Variants in RERE observed in about 807,000 individuals in gnomAD.
RERE encodes the protein arginine-glutamic acid dipeptide repeats protein.
In RERE, 40 loss-of-function variants were observed where a neutral mutation model predicts 146.1. That is an observed-to-expected ratio of 0.27 (90% CI 0.21 to 0.36). The LOEUF (loss-of-function observed/expected upper bound fraction) is 0.36, where lower values mean the gene tolerates loss of function less well. Among genes scored for constraint, RERE ranks in the 10% least tolerant of loss-of-function variants. The pLI, the probability that RERE is intolerant of heterozygous loss-of-function variation, is 1.00. For missense variants in RERE, 1,933 were observed against 2,138.7 expected (o/e 0.90, Z 1.90); for synonymous variants, 1,003 against 866.0 (o/e 1.16, Z -2.78).
intron 12 of RERE, among the ~76,000 whole-genome samples, chr1:8,389,289 C>A (rs1310088297): frequency 1.3e-5 from 2 of 152,178 alleles, no homozygotes; most frequent in African/African-American, 4.8e-5. Context: ...TCATGTCAAC[C>A]CACTCTCATG....
intron 8 of RERE, among the ~76,000 whole-genome samples, chr1:8,503,571 A>G (rs1386779500): frequency 2.0e-5 from 3 of 152,228 alleles, no homozygotes; most frequent in Non-Finnish European, 4.4e-5. Context: ...AAGGAGCTCT[A>G]TATACTGCTA....
chr1:8,757,848 G>C (rs745386613), intron 1 of RERE, among the ~76,000 whole-genome samples: 11 of 151,818 alleles, frequency 7.2e-5, no homozygotes, highest in African/African-American at 2.7e-4. Flanking sequence ...ATCAACCTAA[G>C]TGTCCATCAA....
At position 8,733,255 on chromosome 1, in the gene RERE, C is replaced by T. The variant is rs192829385; in HGVS notation, c.-144-76814G>A. 3.3e-5 allele frequency among the ~76,000 whole-genome samples: 5 copies of T among 152,320 alleles called. No individual in the cohort carries two copies. The East Asian group carries it at 7.7e-4, about 24-fold the overall frequency. On this transcript the variant is annotated intron_variant, in intron 1 of 22. Transcript: ENST00000400908. ...GTCTTGGGACAGGCCCAATAATTTACATTTTAACCAAATTCACAAGTGCTG... is the reference window on the plus strand; with the variant it reads ...GTCTTGGGACAGGCCCAATAATTTATATTTTAACCAAATTCACAAGTGCTG...
chr1:8,441,235 G>A (rs1483678916), intron 11 of RERE, among the ~76,000 whole-genome samples: 2 of 152,140 alleles, frequency 1.3e-5, no homozygotes, highest in East Asian at 1.9e-4. Context: ...CATATAAGAT[G>A]TGTAAGACCA....
chr1:8,695,587 TAAAAAAAAAAAAAA>T (rs34953565), intron 1 of RERE, among the ~76,000 whole-genome samples: 5 of 36,728 alleles, frequency 1.4e-4, no homozygotes, highest in East Asian at 1.1e-3. Context: ...CCATTTCTAC[TAAAAAAAAAAAAAA>T]AAAAAAAAAA....
At chr1:8,436,459 T>C (rs931504323) in intron 11 of RERE, among the ~76,000 whole-genome samples, 1 of 152,200 alleles carries the variant, frequency 6.6e-6, no homozygotes, top group African/African-American at 2.4e-5. Flanking sequence ...CTAAGTTATG[T>C]CATTAAAATG....
At chr1:8,557,688 T>C (rs1259478191) in intron 4 of RERE, among the ~76,000 whole-genome samples, 165 bp from the exon 5 acceptor site, 1 of 152,122 alleles carries the variant, frequency 6.6e-6, no homozygotes, top group East Asian at 1.9e-4. Flanking sequence ...TGAGGTCAAG[T>C]TTTGTTTTTT....
chr1:8,440,367 C>T (rs970409090), intron 11 of RERE, among the ~76,000 whole-genome samples: 4 of 151,816 alleles, frequency 2.6e-5, no homozygotes, highest in South Asian at 2.1e-4. Context: ...CCGAGGCAGG[C>T]GGACATGAGG....
At chr1:8,737,160 T>A (rs1390403172) in intron 1 of RERE, among the ~76,000 whole-genome samples, 1 of 152,202 alleles carries the variant, frequency 6.6e-6, no homozygotes, top group Non-Finnish European at 1.5e-5. Context: ...GTTTCCTTTT[T>A]TTTTCTGACA....
At chr1:8,384,978 C>T (rs987372893) in intron 12 of RERE, among the ~76,000 whole-genome samples, 2 of 152,196 alleles carry the variant, frequency 1.3e-5, no homozygotes, top group Admixed American at 1.3e-4. Flanking sequence ...ACAAGTCTCT[C>T]GTGCTTGCAC....
chr1:8,453,711 T>C (rs1200299475), intron 11 of RERE, among the ~76,000 whole-genome samples: 1 of 152,016 alleles, frequency 6.6e-6, no homozygotes, highest in Non-Finnish European at 1.5e-5. Context: ...GAGGCTGAAG[T>C]GGGAGGATCA....
chr1:8,384,073 T>C (rs947850317), intron 12 of RERE, among the ~76,000 whole-genome samples: 2 of 152,156 alleles, frequency 1.3e-5, no homozygotes, highest in Admixed American at 1.3e-4. Flanking sequence ...AAAGAATCTG[T>C]GTTTCTGATG....
At chr1:8,501,929 G>C in intron 8 of RERE, among the ~76,000 whole-genome samples, 1 of 88,156 alleles carries the variant, frequency 1.1e-5, no homozygotes, top group Non-Finnish European at 2.5e-5. Flanking sequence ...CCGTCCGGGA[G>C]GGAGGTGGGG....
chr1:8,359,510 C>T (rs959141097), intron 19 of RERE, among the ~76,000 whole-genome samples: 6 of 152,240 alleles, frequency 3.9e-5, no homozygotes, highest in Admixed American at 3.3e-4. Flanking sequence ...GCCCTTTCCT[C>T]GAAGGCCCTC....
intron 4 of RERE, among the ~76,000 whole-genome samples, chr1:8,579,340 C>A (rs986405260): frequency 2.0e-5 from 3 of 152,154 alleles, no homozygotes; most frequent in Non-Finnish European, 4.4e-5. Context: ...AGAGCCACCA[C>A]TAACCTATTA....
intron 11 of RERE, among the ~76,000 whole-genome samples, chr1:8,446,283 T>A (rs940826159): frequency 6.6e-6 from 1 of 152,226 alleles, no homozygotes; most frequent in African/African-American, 2.4e-5. Flanking sequence ...TCTCTCTGGC[T>A]GCCCTAAACA....
At chr1:8,654,479 TCTC>T (rs762763038) in intron 2 of RERE, among the ~76,000 whole-genome samples, 5 of 152,182 alleles carry the variant, frequency 3.3e-5, no homozygotes, top group Non-Finnish European at 7.3e-5. Context: ...AGTATTTTAA[TCTC>T]CTTCTCAGAA....
chr1:8,631,431 G>T (rs1017295572), intron 2 of RERE, among the ~76,000 whole-genome samples: 4 of 152,114 alleles, frequency 2.6e-5, no homozygotes, highest in African/African-American at 7.2e-5. Flanking sequence ...CAGTGATGTG[G>T]ATGTTTTGGA....
chr1:8,601,158 T>C (rs553702397), intron 4 of RERE, among the ~76,000 whole-genome samples: 14 of 151,704 alleles, frequency 9.2e-5, no homozygotes, highest in Non-Finnish European at 2.1e-4. Flanking sequence ...TTGCTGGGAT[T>C]ACTAGCGTGC....
Sources: gnomAD v4.1 joint callset for allele counts (sites outside exome capture counted in the v4.1 genomes callset) on GRCh38, gnomAD v4.1.1 for gene constraint, MANE v1.5 for transcripts, NCBI Gene and HGNC (gene_info 2026-07-23, HGNC 2026-07-21) for gene names.